MERTK: variants seen among roughly 807,000 people sequenced by gnomAD.
MERTK encodes tyrosine-protein kinase Mer.
MERTK carries 69 observed loss-of-function variants against 99.3 expected under a neutral mutation model. That is an observed-to-expected ratio of 0.70 (90% CI 0.57 to 0.85). MERTK has a LOEUF of 0.85. Among genes scored for constraint, MERTK ranks in the 40% least tolerant of loss-of-function variants. The probability of loss-of-function intolerance (pLI) is 0.00; values close to 1 mark genes in which losing one functional copy is unlikely to be tolerated. For synonymous variants in MERTK, 426 were observed against 467.6 expected (o/e 0.91, Z 1.15); for missense variants, 1,125 against 1,249.4 (o/e 0.90, Z 1.50).
At chr2:111,924,338 A>AG (rs1408964564) in intron 1 of MERTK, among the ~76,000 whole-genome samples, 1 of 152,168 alleles carries the variant, frequency 6.6e-6, no homozygotes, top group Non-Finnish European at 1.5e-5. Context: ...AGCAGCCTCG[A>AG]GCCACCAGCT....
At chr2:111,987,639 C>T (rs1352857057) in intron 8 of MERTK, among the ~76,000 whole-genome samples, 1 of 152,174 alleles carries the variant, frequency 6.6e-6, no homozygotes, top group African/African-American at 2.4e-5. Context: ...TATTTCCCAA[C>T]CCACCCTCAT....
chr2:111,917,426 T>C (rs1684371413), intron 1 of MERTK, among the ~76,000 whole-genome samples: 2 of 152,132 alleles, frequency 1.3e-5, no homozygotes, highest in Admixed American at 6.5e-5. Context: ...CAGTTTATTG[T>C]CTAAAAGTTT....
intron 18 of MERTK, among the ~76,000 whole-genome samples, chr2:112,027,427 T>G (rs1439750738): frequency 1.3e-5 from 2 of 152,026 alleles, no homozygotes; most frequent in African/African-American, 2.4e-5. Context: ...GAAATGATGG[T>G]ATAACTCACT....
At chr2:111,956,116 A>T (rs1268438845) in intron 4 of MERTK, among the ~76,000 whole-genome samples, 1 of 147,988 alleles carries the variant, frequency 6.8e-6, no homozygotes, top group Admixed American at 6.8e-5. Context: ...TTAAAGTATT[A>T]AAAAAAAAAA....
intron 4 of MERTK, among the ~76,000 whole-genome samples, chr2:111,964,481 G>C (rs1685323335): frequency 6.6e-6 from 1 of 152,044 alleles, no homozygotes; most frequent in South Asian, 2.1e-4. Context: ...TATATTTCCT[G>C]CTCCAATCTG....
At chr2:111,986,143 C>T (rs1676474560) in intron 8 of MERTK, among the ~76,000 whole-genome samples, 1 of 152,194 alleles carries the variant, frequency 6.6e-6, no homozygotes, top group African/African-American at 2.4e-5. Flanking sequence ...GCTTAGAAGT[C>T]CGTGTTGTTC....
At chr2:112,001,653 G>A (rs1007171757) in intron 11 of MERTK, among the ~76,000 whole-genome samples, 10 of 152,230 alleles carry the variant, frequency 6.6e-5, no homozygotes, top group South Asian at 2.1e-4. Flanking sequence ...AACCAACTCC[G>A]AGGATGATTT....
intron 18 of MERTK, among the ~76,000 whole-genome samples, chr2:112,024,175 C>G (rs1014989569): frequency 6.6e-6 from 1 of 152,154 alleles, no homozygotes; most frequent in Non-Finnish European, 1.5e-5. Flanking sequence ...TTATGAAGTG[C>G]CTGCTTCTGA....
At chr2:111,991,497 A>G (rs1056484014) in intron 8 of MERTK, among the ~76,000 whole-genome samples, 4 of 152,106 alleles carry the variant, frequency 2.6e-5, no homozygotes, top group Non-Finnish European at 4.4e-5. Flanking sequence ...AAGTGCTGGG[A>G]TTACAGGTGT....
intron 16 of MERTK, among the ~76,000 whole-genome samples, chr2:112,020,932 A>G (rs11893308): frequency 0.23 from 35,329 of 151,414 alleles, 4,430 homozygotes; most frequent in South Asian, 0.32. Context: ...GGTAGCTCAT[A>G]CCTGTAATCC....
chr2:111,918,846 A>G (rs767465558), intron 1 of MERTK, among the ~76,000 whole-genome samples: 1 of 151,780 alleles, frequency 6.6e-6, no homozygotes, highest in South Asian at 2.1e-4. Context: ...GAAAACAGGT[A>G]CTGAAGTAGA....
intron 15 of MERTK, among the ~76,000 whole-genome samples, chr2:112,012,757 ATAGAGT>A (rs749711080): frequency 3.9e-5 from 6 of 152,298 alleles, no homozygotes; most frequent in Non-Finnish European, 8.8e-5. Context: ...CAGGTGACTG[ATAGAGT>A]TACAGTGAAC....
At chr2:111,969,077 A>G (rs1676021496) in intron 6 of MERTK, among the ~76,000 whole-genome samples, 1 of 152,144 alleles carries the variant, frequency 6.6e-6, no homozygotes, top group Non-Finnish European at 1.5e-5. Context: ...TGGGTATGAA[A>G]CGGTGCTATT....
rs1676862464 is a variant in MERTK at position 112,001,237 on chromosome 2, G to GA, written c.1643dup (p.Asn548LysfsTer14). Reference sequence around the variant, plus strand: ...CAGAGGAGGATTCTGAATTAGTGGTGAATTATATAGCAAAGAAATCCTTCT... The same window carrying GA: ...CAGAGGAGGATTCTGAATTAGTGGTGAAATTATATAGCAAAGAAATCCTTCT... On this transcript the variant is annotated frameshift_variant, in exon 11 of 19. Coordinates refer to ENST00000295408, the MANE Select transcript of MERTK (RefSeq NM_006343.3). LOFTEE classifies it high-confidence loss of function. The GA allele has an allele frequency of 1.9e-6, 3 of 1,613,778 alleles. No individual in the cohort carries two copies. Among genetic ancestry groups the GA allele is most frequent in the Non-Finnish European group, 2.5e-6 (3 of 1,179,746 alleles).
chr2:111,927,973 G>A (rs972928365), intron 1 of MERTK, among the ~76,000 whole-genome samples: 10 of 152,164 alleles, frequency 6.6e-5, no homozygotes, highest in Non-Finnish European at 1.3e-4. Flanking sequence ...AACAACCAGT[G>A]TAGAATCTGT....
In MERTK at chr2:112,005,391, G is replaced by A. The variant is rs147483926; in HGVS notation, c.1867+1407G>A. 4.9e-4 allele frequency among the ~76,000 whole-genome samples: 74 copies of A among 152,328 alleles called. 1 individual carries two copies. The highest frequency in any genetic ancestry group is 3.4e-3 in the Middle Eastern group (1 of 294). ...CCAGCTTAAAATCTATATAGTTAAGGAAACTATAGTGACTTGCTGACTTGT... is the reference window on the plus strand; with the variant it reads ...CCAGCTTAAAATCTATATAGTTAAGAAAACTATAGTGACTTGCTGACTTGT... On this transcript the variant is annotated intron_variant, in intron 13 of 18. Coordinates refer to ENST00000295408, the MANE Select transcript of MERTK (RefSeq NM_006343.3).
At chr2:111,922,055 T>G (rs922572978) in intron 1 of MERTK, among the ~76,000 whole-genome samples, 2 of 152,178 alleles carry the variant, frequency 1.3e-5, no homozygotes, top group African/African-American at 4.8e-5. Context: ...CCCAGGTGCC[T>G]GGGATCATAA....
intron 1 of MERTK, among the ~76,000 whole-genome samples, chr2:111,901,258 G>C (rs1684037202): frequency 6.6e-6 from 1 of 152,168 alleles, no homozygotes; most frequent in African/African-American, 2.4e-5. Flanking sequence ...TGCATTATGA[G>C]GACTTAGCTC....
intron 1 of MERTK, among the ~76,000 whole-genome samples, chr2:111,910,620 A>G (rs879776790): frequency 2.4e-4 from 27 of 114,736 alleles, no homozygotes; most frequent in Admixed American, 5.4e-4. Flanking sequence ...GTATATATAT[A>G]TATATATACA....
Sources: allele counts gnomAD v4.1 joint callset (sites outside exome capture counted in the v4.1 genomes callset), GRCh38; gene constraint gnomAD v4.1.1; transcripts MANE v1.5; gene names NCBI Gene and HGNC (gene_info 2026-07-23, HGNC 2026-07-21).